The following NAV2 variants were observed in gnomAD, a reference collection of about 807,000 sequenced individuals.
The protein encoded by NAV2 is neuron navigator 2, also known as helicase, APC down-regulated 1.
In NAV2, 54 loss-of-function variants were observed where a neutral mutation model predicts 223.2. The observed-to-expected ratio is 0.24, with a 90% CI of 0.19 to 0.30. The LOEUF (loss-of-function observed/expected upper bound fraction) is 0.30. Ranked by LOEUF, NAV2 falls within the 10% of genes least tolerant of loss-of-function variation. The pLI, the probability that NAV2 is intolerant of heterozygous loss-of-function variation, is 1.00. For synonymous variants in NAV2, 1,279 were observed against 1,239.3 expected, an observed-to-expected ratio of 1.03 and a Z score of -0.67; for missense variants, 2,806 against 3,147.5, an observed-to-expected ratio of 0.89 and a Z score of 2.60.
intron 1 of NAV2, among the ~76,000 whole-genome samples, chr11:19,421,751 C>T (rs1850620104): frequency 1.6e-5 from 2 of 128,178 alleles, no homozygotes; most frequent in African/African-American, 2.8e-5. Flanking sequence ...CATGAAGTGC[C>T]TTAAGAGAGA....
chr11:19,912,585 C>A (rs945665607), intron 6 of NAV2, among the ~76,000 whole-genome samples: 2 of 152,130 alleles, frequency 1.3e-5, no homozygotes, highest in Non-Finnish European at 2.9e-5. Context: ...GAGTTCATGT[C>A]GAATACTCAT....
intron 1 of NAV2, among the ~76,000 whole-genome samples, chr11:19,689,777 G>A (rs1162988142): frequency 6.6e-6 from 1 of 152,126 alleles, no homozygotes; most frequent in Non-Finnish European, 1.5e-5. Context: ...GCAGGGTTTT[G>A]GTGTCACTGT....
chr11:19,660,250 C>T (rs554560126), intron 1 of NAV2, among the ~76,000 whole-genome samples: 23 of 152,312 alleles, frequency 1.5e-4, no homozygotes, highest in African/African-American at 4.8e-4. Flanking sequence ...CGACTTCACT[C>T]GGCCACTGCA....
intron 1 of NAV2, among the ~76,000 whole-genome samples, chr11:19,585,718 T>A: frequency 6.6e-6 from 1 of 152,330 alleles, no homozygotes; most frequent in Non-Finnish European, 1.5e-5. Context: ...CCCACTTTCT[T>A]CTTGCTTGTA....
At chr11:20,013,584 A>G (rs896480147) in intron 11 of NAV2, among the ~76,000 whole-genome samples, 2 of 152,140 alleles carry the variant, frequency 1.3e-5, no homozygotes, top group African/African-American at 4.8e-5. Context: ...ACAATGAAAT[A>G]CCAAAGCTAA....
Position 19,569,217 on chromosome 11 carries a change from G to T in NAV2, c.75+218190G>T, listed in dbSNP as rs192044956. Among the ~76,000 whole-genome samples, 48 of 152,268 alleles carry T rather than the reference G, an allele frequency of 3.2e-4. 1 individual carries two copies. The highest frequency in any genetic ancestry group is 3.4e-3 in the Middle Eastern group (1 of 294). On this transcript the variant is annotated intron_variant, in intron 1 of 37. Coordinates refer to the NAV2 transcript ENST00000360655. ...ATGTCAAGGAGCTGTATCCCTCCCTGCCCTTGTTCATGCATTTCTCTTAGT... is the reference window on the plus strand; with the variant it reads ...ATGTCAAGGAGCTGTATCCCTCCCTTCCCTTGTTCATGCATTTCTCTTAGT...
At chr11:19,662,081 C>T (rs986338063) in intron 1 of NAV2, among the ~76,000 whole-genome samples, 6 of 152,136 alleles carry the variant, frequency 3.9e-5, no homozygotes, top group Non-Finnish European at 1.5e-5. Context: ...AGCCACATGT[C>T]TACTACCTCT....
chr11:19,424,450 G>A (rs988299785), intron 1 of NAV2, among the ~76,000 whole-genome samples: 15 of 152,330 alleles, frequency 9.8e-5, no homozygotes, highest in Middle Eastern at 3.4e-3. Flanking sequence ...AGATTTGACT[G>A]TCGAAATTAA....
chr11:19,383,165 T>C (rs1001611530), intron 1 of NAV2, among the ~76,000 whole-genome samples: 11 of 152,236 alleles, frequency 7.2e-5, no homozygotes, highest in African/African-American at 2.7e-4. Context: ...CTCTCTGTCC[T>C]GGCTCACAGC....
At chr11:19,999,038 G>A (rs2052262418) in intron 11 of NAV2, among the ~76,000 whole-genome samples, 1 of 152,198 alleles carries the variant, frequency 6.6e-6, no homozygotes, top group South Asian at 2.1e-4. Context: ...ATAAATGACT[G>A]CCAGGCACTG....
chr11:19,570,104 A>G (rs1216953900), intron 1 of NAV2, among the ~76,000 whole-genome samples: 1 of 152,086 alleles, frequency 6.6e-6, no homozygotes, highest in Non-Finnish European at 1.5e-5. Flanking sequence ...ATCACTACCT[A>G]CATTATTGGA....
chr11:19,532,556 T>G (rs530933041), intron 1 of NAV2, among the ~76,000 whole-genome samples: 89 of 152,238 alleles, frequency 5.8e-4, no homozygotes, highest in South Asian at 3.5e-3. Flanking sequence ...ATTAATATAA[T>G]CACTAATCAT....
chr11:19,911,031 AT>A (rs996900212), intron 6 of NAV2, among the ~76,000 whole-genome samples: 5,163 of 123,348 alleles, frequency 0.042, 156 homozygotes, highest in African/African-American at 0.11. Context: ...TTGCAAGCAC[AT>A]TTTTTTTTTT....
intron 20 of NAV2, among the ~76,000 whole-genome samples, chr11:20,063,926 G>T (rs1340473053): frequency 2.6e-5 from 4 of 152,166 alleles, no homozygotes; most frequent in Admixed American, 2.0e-4. Context: ...CCTGTATTGA[G>T]CAAACAAACT....
At position 20,045,238 on chromosome 11, in the gene NAV2, C is replaced by T. The variant is rs754025878; in HGVS notation, c.3470C>T (p.Ala1157Val). ...ATLGKIPKSS[A>V]LVSRSAGRKS... ...CTGGGCAAAATCCCAAAGTCATCTG[C>T]ACTCGTCAGTCGGTCTGCTGGTCGG... The change falls in exon 14 of 38, where the codon GCA (alanine) becomes GTA (valine). Residue 1157 changes from alanine to valine, a missense_variant. Physicochemically the swap from Ala to Val is moderately conservative, Grantham distance 64. This residue lies in a region of NAV2 where 742 missense variants were observed against 777.9 expected (regional missense o/e 0.95). Transcript: ENST00000349880. 2 of 1,614,184 alleles carry T rather than the reference C, an allele frequency of 1.2e-6. No individual in the cohort carries two copies.
At chr11:19,719,142 C>T (rs2050553228) in intron 1 of NAV2, among the ~76,000 whole-genome samples, 1 of 152,172 alleles carries the variant, frequency 6.6e-6, no homozygotes. Flanking sequence ...AAAGTCAAAC[C>T]ACCCAGCGAG....
chr11:19,450,798 C>T (rs543752479), intron 1 of NAV2, among the ~76,000 whole-genome samples: 5 of 152,250 alleles, frequency 3.3e-5, no homozygotes, highest in Admixed American at 2.0e-4. Flanking sequence ...CACCAAATGG[C>T]ATGGATTTTC....
chr11:19,486,151 G>T (rs2042437849), intron 1 of NAV2, among the ~76,000 whole-genome samples: 1 of 152,120 alleles, frequency 6.6e-6, no homozygotes, highest in Non-Finnish European at 1.5e-5. Flanking sequence ...GCCCAGTATA[G>T]CCTCTGGACT....
chr11:19,493,189 A>G (rs916444450), intron 1 of NAV2, among the ~76,000 whole-genome samples: 1 of 145,308 alleles, frequency 6.9e-6, no homozygotes, highest in Non-Finnish European at 1.5e-5. Flanking sequence ...TCCTCCTCCT[A>G]ATTGGTTCTT....
Sources: allele counts gnomAD v4.1 joint callset (sites outside exome capture counted in the v4.1 genomes callset), GRCh38; gene constraint gnomAD v4.1.1; regional missense constraint gnomAD v4.1.1; transcripts MANE v1.5; gene names NCBI Gene and HGNC (gene_info 2026-07-23, HGNC 2026-07-21).